The following MYH7 variants were observed in gnomAD, a reference collection of about 807,000 sequenced individuals.
MYH7 encodes the protein myosin-7.
In MYH7, 129 loss-of-function variants were observed where a neutral mutation model predicts 225.4. The observed-to-expected ratio is 0.57, with a 90% CI of 0.50 to 0.66. The LOEUF is 0.66. Among genes scored for constraint, MYH7 ranks in the 30% least tolerant of loss-of-function variants. MYH7 has a pLI of 0.00. For synonymous variants in MYH7, 971 were observed against 1,007.6 expected (o/e 0.96, Z 0.69); for missense variants, 1,649 against 2,517.0 (o/e 0.66, Z 7.38).
chr14:23,417,466 C>T (rs1168257096), intron 31 of MYH7, 37 bp downstream of exon 31: 2 of 1,612,126 alleles, frequency 1.2e-6, no homozygotes, highest in Non-Finnish European at 1.7e-6. Context: ...TGCCCCCTTG[C>T]CCTGCATGCT....
In MYH7 at chr14:23,417,598, G is replaced by A. The variant is rs145213771; in HGVS notation, c.4258C>T (p.Arg1420Trp). The A allele has an allele frequency of 1.3e-5, 21 of 1,612,628 alleles. No individual in the cohort carries two copies. Among genetic ancestry groups the A allele is most frequent in the East Asian group, 2.2e-5 (1 of 44,888 alleles). The stretch of plus-strand genomic sequence containing the variant: ...AAGTCCTCGATCTCATTCTGTAGCC[G>A]GTGCTTGGTCTTCTCCAGCGAGGAG... ...KCSSLEKTKH[R>W]LQNEIEDLMV... Residue 1420 changes from arginine (R) to tryptophan (W), a missense_variant, in exon 31 of 40, where the codon CGG (arginine) becomes TGG (tryptophan). Around this residue, in one of 12 missense-constraint regions of MYH7, gnomAD observed 687 missense variants for 913.8 expected, o/e 0.75. Transcript: ENST00000355349.
chr14:23,432,552 G>C (rs780994006), intron 5 of MYH7, 46 bp from the exon 6 acceptor site: 1 of 1,614,100 alleles, frequency 6.2e-7, no homozygotes, highest in Non-Finnish European at 8.5e-7. Flanking sequence ...TGCACAGGAT[G>C]CTCTCGTGGG....
chr14:23,432,373 G>T (rs2754165), intron 6 of MYH7, 106 bp downstream of exon 6: 2 of 1,412,374 alleles, frequency 1.4e-6, no homozygotes, highest in Non-Finnish European at 2.0e-6. Context: ...CACGAGGTTG[G>T]GGGGAAAGAG....
rs149576470 is a variant in MYH7, at chr14:23,424,863, G to A, written c.2585C>T (p.Ala862Val). ...MKEEFTRLKE[A>V]LEKSEARRKE... Reference sequence around the variant, plus strand: ...GCGGCGAGCCTCGGACTTCTCTAGCGCCTCTTTGAGGCGTGTGAACTCCTC... The same window carrying A: ...GCGGCGAGCCTCGGACTTCTCTAGCACCTCTTTGAGGCGTGTGAACTCCTC... The change falls in exon 22 of 40, where the codon GCG becomes GTG. Residue 862 changes from alanine (A) to valine (V), a missense_variant. Physicochemically the swap from Ala to Val is moderately conservative, Grantham distance 64. Transcript: ENST00000355349. 3.3e-5 allele frequency: 53 copies of A among 1,614,078 alleles called. No homozygotes were observed. Among genetic ancestry groups the A allele is most frequent in the African/African-American group, 8.0e-5 (6 of 74,918 alleles).
In MYH7 at chr14:23,425,986, G is replaced by T. The variant is rs1892682030; in HGVS notation, c.2140C>A (p.Leu714Ile). Residue 714 changes from leucine to isoleucine, a missense_variant, in exon 19 of 40, where the codon CTC becomes ATC. Physicochemically the swap from Leu to Ile is conservative, Grantham distance 5 (BLOSUM62 2). Coordinates refer to ENST00000355349, the MANE Select transcript of MYH7 (RefSeq NM_000257.4). The surrounding 1 kb of genome is among the most constrained non-coding windows in gnomAD (Gnocchi z 4.6). Reference sequence around the variant, plus strand: ...CACCTCTGCCGGAAGTCCCCGTAGAGGATGCGGTTGGGGAAGCCTTTCCTG... The same window carrying T: ...CACCTCTGCCGGAAGTCCCCGTAGATGATGCGGTTGGGGAAGCCTTTCCTG... Reference protein sequence around the residue: ...ICRKGFPNRILYGDFRQRYRI... With the variant: ...ICRKGFPNRIIYGDFRQRYRI... The T allele has an allele frequency of 6.2e-7, 1 of 1,614,108 alleles. No homozygotes were observed. Among genetic ancestry groups the T allele is most frequent in the Non-Finnish European group, 8.5e-7 (1 of 1,180,044 alleles).
chr14:23,431,336 G>A, intron 9 of MYH7, 82 bp downstream of exon 9: 7 of 1,349,690 alleles, frequency 5.2e-6, no homozygotes, highest in Non-Finnish European at 7.4e-6. Flanking sequence ...GAGGGAGGGA[G>A]GGGAGAGAGA....
chr14:23,413,584 A>T (rs980985442), intron 39 of MYH7, among the ~76,000 whole-genome samples, 175 bp downstream of exon 39: 2 of 142,240 alleles, frequency 1.4e-5, no homozygotes, highest in Non-Finnish European at 3.1e-5. Flanking sequence ...AAAAAAAAAA[A>T]AGTTAGAGCT....
chr14:23,428,084 C>A (rs1343149790), intron 15 of MYH7, among the ~76,000 whole-genome samples, 190 bp from the exon 16 acceptor site: 1 of 152,120 alleles, frequency 6.6e-6, no homozygotes, highest in Non-Finnish European at 1.5e-5. Context: ...GACAGAAGGA[C>A]CTTTGTGAAA....
chr14:23,427,941 G>T, intron 15 of MYH7, 47 bp from the exon 16 acceptor site: 1 of 1,609,808 alleles, frequency 6.2e-7, no homozygotes, highest in Non-Finnish European at 8.5e-7. Flanking sequence ...CACACAGGTG[G>T]ACATGGATTC....
Position 23,427,585 on chromosome 14 carries a change from G to T in MYH7, c.1888C>A (p.Pro630Thr), listed in dbSNP as rs397516124. The change falls in exon 16 of 40, where the codon CCT becomes ACT. Residue 630 changes from proline (P) to threonine (T), a missense_variant and splice_region_variant. Pro to Thr is a conservative substitution (Grantham distance 38, BLOSUM62 -1). Transcript: ENST00000355349. ...ACCGGGAGCCTCAGTCCCTACTTAC[G>T]CGCATCAGCCCCAGCATAGTTGGCA... ...LFANYAGADAPIEKGKGKAKK... is the reference protein window; with the variant it reads ...LFANYAGADATIEKGKGKAKK... 6.2e-7 allele frequency: 1 copy of T among 1,613,964 alleles called. No individual in the cohort carries two copies.
At position 23,427,577 on chromosome 14, in the gene MYH7, C is replaced by T. The variant is rs200668471; in HGVS notation, c.1888+8G>A. The T allele has an allele frequency of 2.9e-5, 47 of 1,613,818 alleles. No individual in the cohort carries two copies. The highest frequency in any genetic ancestry group is 4.0e-5 in the Non-Finnish European group (47 of 1,179,988). Reference sequence around the variant, plus strand: ...TCCTCTGTACCGGGAGCCTCAGTCCCTACTTACGCGCATCAGCCCCAGCAT... The same window carrying T: ...TCCTCTGTACCGGGAGCCTCAGTCCTTACTTACGCGCATCAGCCCCAGCAT... On this transcript the variant is annotated splice_region_variant and intron_variant, in intron 16 of 39. Coordinates refer to ENST00000355349, the MANE Select transcript of MYH7 (RefSeq NM_000257.4).
chr14:23,429,675 CAAAA>C (rs58343268), intron 12 of MYH7, 96 bp downstream of exon 12: 1,142 of 1,272,422 alleles, frequency 9.0e-4, no homozygotes, highest in Middle Eastern at 1.1e-3. Flanking sequence ...GACTCCATCT[CAAAA>C]AAAAAAAAAA....
Position 23,422,202 on chromosome 14 carries a change from G to A in MYH7, c.3223C>T (p.Gln1075Ter). 1 of 1,613,428 alleles carries A rather than the reference G, an allele frequency of 6.2e-7. No individual in the cohort carries two copies. ...SIMDLENDKQ[Q>*]LDERLKKKDF... ...TACTTTTTCAGCCGCTCATCCAGCT[G>A]CTGCTTGTCATTCTCCAGGTCCATG... Residue 1075 changes from glutamine to a stop codon, truncating the protein, a stop_gained, in exon 25 of 40, where the codon CAG (glutamine) becomes TAG (stop). Coordinates refer to ENST00000355349, the MANE Select transcript of MYH7 (RefSeq NM_000257.4). LOFTEE classifies it high-confidence loss of function.
chr14:23,428,429 G>A (rs1301598617), intron 15 of MYH7, 71 bp downstream of exon 15: 3 of 1,604,566 alleles, frequency 1.9e-6, no homozygotes, highest in African/African-American at 2.7e-5. Flanking sequence ...AGGGAGAGGG[G>A]CTGCTATTTT....
chr14:23,413,189 A>T (rs959870049), intron 39 of MYH7, among the ~76,000 whole-genome samples: 1 of 152,224 alleles, frequency 6.6e-6, no homozygotes, highest in African/African-American at 2.4e-5. Context: ...ACTGGAAACT[A>T]GCAGTTGGGG....
intron 1 of MYH7, 70 bp from the exon 2 acceptor site, chr14:23,434,319 TC>T: frequency 3.1e-6 from 3 of 968,096 alleles, no homozygotes; most frequent in Non-Finnish European, 3.7e-6. Context: ...TTCCTGCTTC[TC>T]CCTGGCTCTG....
intron 8 of MYH7, 38 bp from the exon 9 acceptor site, chr14:23,431,519 A>C: frequency 6.2e-7 from 1 of 1,613,706 alleles, no homozygotes; most frequent in Non-Finnish European, 8.5e-7. Context: ...AGTTGGGGGA[A>C]GGCTCATATC....
intron 39 of MYH7, 97 bp from the exon 40 acceptor site, chr14:23,412,968 G>T: frequency 7.7e-7 from 1 of 1,305,656 alleles, no homozygotes; most frequent in South Asian, 1.2e-5. Flanking sequence ...TGATGGTGGG[G>T]GGCCTGCTTT....
intron 18 of MYH7, 144 bp from the exon 19 acceptor site, chr14:23,426,225 T>G: frequency 1.0e-6 from 1 of 976,678 alleles, no homozygotes; most frequent in Non-Finnish European, 1.5e-6. Flanking sequence ...TCTAGCCACA[T>G]TTTTAACTAA....
Sources: allele counts gnomAD v4.1 joint callset (sites outside exome capture counted in the v4.1 genomes callset), GRCh38; gene constraint gnomAD v4.1.1; regional missense constraint gnomAD v4.1.1; non-coding constraint Gnocchi (gnomAD v3.1); transcripts MANE v1.5; gene names NCBI Gene and HGNC (gene_info 2026-07-23, HGNC 2026-07-21).